STAG1: variants seen among roughly 807,000 people sequenced by gnomAD.
The protein encoded by STAG1 is STAG1 cohesin complex component, also known as cohesin subunit SA-1.
STAG1 carries 26 observed loss-of-function variants against 170.9 expected under a neutral mutation model. That is an observed-to-expected ratio of 0.15 (90% CI 0.11 to 0.21). STAG1 has a LOEUF of 0.21. Among genes scored for constraint, STAG1 ranks in the 10% least tolerant of loss-of-function variants. The pLI is 1.00. For synonymous variants in STAG1, 514 were observed against 497.7 expected, an observed-to-expected ratio of 1.03 and a Z score of -0.44; for missense variants, 964 against 1,509.5, an observed-to-expected ratio of 0.64 and a Z score of 5.99.
At chr3:136,596,705 G>A (rs1938444024) in intron 4 of STAG1, among the ~76,000 whole-genome samples, 2 of 152,106 alleles carry the variant, frequency 1.3e-5, no homozygotes, top group African/African-American at 2.4e-5. Context: ...AATTTGCATT[G>A]GACCTTTAAA....
chr3:136,574,470 A>G (rs1267084893), intron 4 of STAG1, among the ~76,000 whole-genome samples: 1 of 152,164 alleles, frequency 6.6e-6, no homozygotes, highest in Non-Finnish European at 1.5e-5. Context: ...ATACATACAC[A>G]CACATATATA....
chr3:136,576,575 TG>T (rs1348148103), intron 4 of STAG1, among the ~76,000 whole-genome samples: 1 of 152,180 alleles, frequency 6.6e-6, no homozygotes, highest in African/African-American at 2.4e-5. Context: ...ATAAGGAATA[TG>T]AGGTAGTTAA....
chr3:136,507,593 C>T (rs1364782679), intron 7 of STAG1, among the ~76,000 whole-genome samples: 2 of 152,080 alleles, frequency 1.3e-5, no homozygotes, highest in African/African-American at 2.4e-5. Flanking sequence ...GTCTTGAACT[C>T]CTGGCCTCAA....
intron 24 of STAG1, 134 bp downstream of exon 24, chr3:136,368,974 A>G: frequency 1.5e-6 from 1 of 688,178 alleles, no homozygotes; most frequent in Non-Finnish European, 2.2e-6. Context: ...TACTGGTGTC[A>G]GCCACTGCAC....
intron 23 of STAG1, among the ~76,000 whole-genome samples, chr3:136,376,693 G>C (rs1355616812): frequency 6.6e-6 from 1 of 152,174 alleles, no homozygotes; most frequent in Non-Finnish European, 1.5e-5. Context: ...ATGCATGTGT[G>C]AGAAACTTAA....
chr3:136,678,980 T>A (rs1271009789), intron 1 of STAG1, among the ~76,000 whole-genome samples: 2 of 90,424 alleles, frequency 2.2e-5, no homozygotes, highest in African/African-American at 4.6e-5. Context: ...CAACAAAGAA[T>A]ATCAAAAATA....
intron 3 of STAG1, 22 bp from the exon 4 acceptor site, chr3:136,604,495 A>T: frequency 1.3e-6 from 2 of 1,578,078 alleles, no homozygotes; most frequent in Non-Finnish European, 1.7e-6. Context: ...ATAAAAAAAG[A>T]TTCCATTCGA....
In STAG1 at chr3:136,524,121, C is replaced by A. The variant is rs547542712; in HGVS notation, c.472-2704G>T. 6.4e-3 allele frequency among the ~76,000 whole-genome samples: 971 copies of A among 152,002 alleles called. 12 individuals are homozygous for A. Among genetic ancestry groups the A allele is most frequent in the African/African-American group, 0.022 (925 of 41,402 alleles). On this transcript the variant is annotated intron_variant, in intron 6 of 33. Transcript: ENST00000383202. ...ATGAACTTTAAAGTAGTTTTTTCCA[C>A]TTATCTGAAGAAAGTCATTGGTAGC...
At chr3:136,701,671 C>G (rs1051833782) in intron 1 of STAG1, among the ~76,000 whole-genome samples, 1 of 152,132 alleles carries the variant, frequency 6.6e-6, no homozygotes, top group African/African-American at 2.4e-5. Flanking sequence ...TACAGGAATT[C>G]TCTGAGGATT....
rs1372629856 is a variant in STAG1, at chr3:136,551,257, GA to G, written c.395-9063del. Among the ~76,000 whole-genome samples, 86 of 138,566 alleles carry G rather than the reference GA, an allele frequency of 6.2e-4. 2 individuals carry two copies. Among genetic ancestry groups the G allele is most frequent in the East Asian group, 4.5e-3 (21 of 4,696 alleles). 90.9% of individuals were successfully genotyped at this position (138,566 alleles called of 152,430 possible). On this transcript the variant is annotated intron_variant, in intron 5 of 33. Transcript: ENST00000383202. Reference sequence around the variant, plus strand: ...AGAGAGAGAGAGAGAGAGAGAGAGAGAGAGGGAGAGCGAGAGAGCGTGCTCT... The same window carrying G: ...AGAGAGAGAGAGAGAGAGAGAGAGAGGAGGGAGAGCGAGAGAGCGTGCTCT...
At chr3:136,631,761 G>A (rs1316375607) in intron 1 of STAG1, among the ~76,000 whole-genome samples, 1 of 152,098 alleles carries the variant, frequency 6.6e-6, no homozygotes, top group Non-Finnish European at 1.5e-5. Flanking sequence ...AGGGGTAGTA[G>A]GACCTAACAG....
In STAG1 at chr3:136,638,943, C is replaced by T. The variant is rs148599882; in HGVS notation, c.-83-7962G>A. On this transcript the variant is annotated intron_variant, in intron 1 of 33. Coordinates refer to ENST00000383202, the MANE Select transcript of STAG1 (RefSeq NM_005862.3). ...TAAATGCATGTTATTGATTGGATTG[C>T]TCTAAATTTAAGCAGCATTAAAAAT... Among the ~76,000 whole-genome samples, 3 of 151,910 alleles carry T rather than the reference C, an allele frequency of 2.0e-5. No homozygotes were observed. In the South Asian group the frequency reaches 6.2e-4, roughly 32 times the overall value.
intron 20 of STAG1, among the ~76,000 whole-genome samples, chr3:136,419,890 G>A (rs2087899462): frequency 6.6e-6 from 1 of 152,062 alleles, no homozygotes; most frequent in African/African-American, 2.4e-5. Context: ...AACTTTTACA[G>A]TATATATTCA....
intron 1 of STAG1, among the ~76,000 whole-genome samples, chr3:136,739,701 G>A (rs1443367123): frequency 1.3e-5 from 2 of 151,830 alleles, no homozygotes; most frequent in African/African-American, 4.8e-5. Context: ...GCAGGCACCT[G>A]TAGTCCCAGC....
intron 9 of STAG1, among the ~76,000 whole-genome samples, chr3:136,478,736 C>A (rs146892811): frequency 4.6e-5 from 7 of 152,258 alleles, no homozygotes; most frequent in Non-Finnish European, 7.4e-5. Context: ...TCTTTCCAAG[C>A]CATACTGCCA....
chr3:136,648,901 A>AT (rs1019722526), intron 1 of STAG1, among the ~76,000 whole-genome samples: 1 of 152,192 alleles, frequency 6.6e-6, no homozygotes, highest in Non-Finnish European at 1.5e-5. Context: ...TATTTAAAAT[A>AT]TTTAATCACA....
intron 23 of STAG1, among the ~76,000 whole-genome samples, chr3:136,376,421 C>G (rs1457510734): frequency 1.3e-5 from 2 of 151,760 alleles, no homozygotes; most frequent in Admixed American, 1.3e-4. Context: ...TGCCCCTCTA[C>G]AAGAGATGAG....
At chr3:136,641,128 T>C (rs934372369) in intron 1 of STAG1, among the ~76,000 whole-genome samples, 8 of 152,220 alleles carry the variant, frequency 5.3e-5, no homozygotes. Flanking sequence ...TTTTTACAGA[T>C]ACAAAGTTGA....
intron 1 of STAG1, among the ~76,000 whole-genome samples, chr3:136,718,376 A>G (rs966932421): frequency 5.9e-5 from 9 of 152,194 alleles, no homozygotes; most frequent in African/African-American, 2.2e-4. Context: ...AAGTTTTTTT[A>G]ATAATTAATA....
Sources: allele counts gnomAD v4.1 joint callset (sites outside exome capture counted in the v4.1 genomes callset), GRCh38; gene constraint gnomAD v4.1.1; transcripts MANE v1.5; gene names NCBI Gene and HGNC (gene_info 2026-07-23, HGNC 2026-07-21).